PAM: variants seen among roughly 807,000 people sequenced by gnomAD.
PAM encodes peptidylglycine alpha-amidating monooxygenase.
Under a neutral mutation model 122.1 loss-of-function variants are expected in PAM, and 72 were observed. The observed-to-expected ratio is 0.59, with a 90% CI of 0.49 to 0.72. The LOEUF is 0.72. PAM is among the 30% of genes least tolerant of loss of function. The pLI, the probability that PAM is intolerant of heterozygous loss-of-function variation, is 0.00. For synonymous variants in PAM, 389 were observed against 404.4 expected, an observed-to-expected ratio of 0.96 and a Z score of 0.46; for missense variants, 1,106 against 1,183.7, an observed-to-expected ratio of 0.93 and a Z score of 0.96.
At position 102,815,772 on chromosome 5, in the gene PAM, A is replaced by T. The variant is rs541016037; in HGVS notation, c.-373-50051A>T. Among the ~76,000 whole-genome samples, 15 of 152,314 alleles carry T rather than the reference A, an allele frequency of 9.8e-5. No homozygotes were observed. In the East Asian group the frequency reaches 2.9e-3, roughly 29 times the overall value. ...GATTAGGTTGAACTGTTGTTGAAAG[A>T]CTGGTGGTGCAGAAACAATAAGTTG... is the stretch of plus-strand genomic sequence containing the variant. On this transcript the variant is annotated intron_variant, in intron 1 of 25. Coordinates refer to ENST00000438793, the MANE Select transcript of PAM (RefSeq NM_001177306.2).
chr5:102,944,205 C>T (rs775162833), intron 7 of PAM, among the ~76,000 whole-genome samples: 16 of 152,132 alleles, frequency 1.1e-4, no homozygotes, highest in Non-Finnish European at 1.8e-4. Context: ...TCATACCTAT[C>T]TAGTGAATGA....
At chr5:102,762,066 T>G (rs924794739) in intron 1 of PAM, among the ~76,000 whole-genome samples, 1 of 152,242 alleles carries the variant, frequency 6.6e-6, no homozygotes, top group African/African-American at 2.4e-5. Flanking sequence ...GTTACTTTGT[T>G]AAATGTCTTT....
intron 7 of PAM, among the ~76,000 whole-genome samples, chr5:102,942,784 TG>T (rs1458993938): frequency 1.3e-5 from 2 of 148,926 alleles, no homozygotes; most frequent in African/African-American, 5.0e-5. Context: ...TTGCCCAGGC[TG>T]GTCTCAAACT....
intron 24 of PAM, among the ~76,000 whole-genome samples, chr5:103,026,498 G>C (rs995031712): frequency 2.0e-5 from 3 of 152,118 alleles, no homozygotes; most frequent in African/African-American, 7.2e-5. Flanking sequence ...TAAAAATATA[G>C]TTAACTCTTC....
intron 1 of PAM, among the ~76,000 whole-genome samples, chr5:102,854,498 TA>T (rs922381570): frequency 9.2e-5 from 14 of 152,144 alleles, no homozygotes. Context: ...GAGAGAAAGC[TA>T]ATAAGATCAA....
chr5:103,029,251 T>G lies in PAM; in HGVS notation c.*186T>G. The G allele has an allele frequency of 2.3e-6, 1 of 437,374 alleles. No individual in the cohort carries two copies. The highest frequency in any genetic ancestry group is 6.4e-5 in the South Asian group (1 of 15,598). The allele number at this position is 437,374 out of a possible 1,614,324, so 27.1% of individuals were successfully genotyped here. The stretch of plus-strand genomic sequence containing the variant: ...TTCTAGTTGAGGAGTTTCCTAAAAG[T>G]TCATAACAGTGCCATTGTCTTTATA... On this transcript the variant is annotated 3_prime_UTR_variant, in exon 26 of 26. Transcript: ENST00000438793.
At chr5:102,921,289 G>A (rs763684288) in intron 5 of PAM, among the ~76,000 whole-genome samples, 4 of 152,046 alleles carry the variant, frequency 2.6e-5, no homozygotes, top group Non-Finnish European at 5.9e-5. Flanking sequence ...TTACTAGTAA[G>A]AATAGTAAAA....
At chr5:102,780,930 G>A (rs189886481) in intron 1 of PAM, among the ~76,000 whole-genome samples, 1 of 150,750 alleles carries the variant, frequency 6.6e-6, no homozygotes, top group Admixed American at 6.6e-5. Flanking sequence ...GTGCATTGGA[G>A]GCTGTTTAGC....
intron 16 of PAM, among the ~76,000 whole-genome samples, chr5:102,991,587 C>G (rs1052668903): frequency 6.6e-6 from 1 of 152,008 alleles, no homozygotes; most frequent in African/African-American, 2.4e-5. Context: ...TGTCTAATGT[C>G]TAATATTCTT....
intron 4 of PAM, among the ~76,000 whole-genome samples, chr5:102,904,643 G>C (rs866001327): frequency 4.5e-4 from 69 of 151,682 alleles, no homozygotes; most frequent in South Asian, 1.5e-3. Context: ...GTTTAAGGAA[G>C]TCACAGGCTA....
intron 1 of PAM, among the ~76,000 whole-genome samples, chr5:102,803,227 AAGGAAGGG>A (rs1765358528): frequency 7.6e-6 from 1 of 132,122 alleles, no homozygotes; most frequent in Non-Finnish European, 1.7e-5. Context: ...GGAAGGAAGG[AAGGAAGGG>A]AAAAGTAATG....
At chr5:102,913,092 T>A (rs1021196057) in intron 4 of PAM, among the ~76,000 whole-genome samples, 2 of 152,040 alleles carry the variant, frequency 1.3e-5, no homozygotes, top group Non-Finnish European at 2.9e-5. Flanking sequence ...AGATTTAAGA[T>A]CATTTTGGGG....
At chr5:102,778,018 G>A (rs1757648821) in intron 1 of PAM, among the ~76,000 whole-genome samples, 1 of 152,160 alleles carries the variant, frequency 6.6e-6, no homozygotes, top group Admixed American at 6.5e-5. Flanking sequence ...GAAAACACCT[G>A]AATGGCATTG....
intron 11 of PAM, among the ~76,000 whole-genome samples, chr5:102,950,412 G>GTGTGTGTGTGTGTGTGT (rs1554134131): frequency 1.1e-5 from 1 of 94,590 alleles, no homozygotes; most frequent in Admixed American, 9.4e-5. Context: ...TGTGTATGTG[G>GTGTGTGTGTGTGTGTGT]GTGGGTGTGT....
intron 1 of PAM, among the ~76,000 whole-genome samples, chr5:102,824,836 C>G (rs1328247735): frequency 6.6e-6 from 1 of 152,142 alleles, no homozygotes; most frequent in African/African-American, 2.4e-5. Flanking sequence ...AGGACTCACT[C>G]TAAATAAAAT....
chr5:102,816,570 G>A (rs541077517), intron 1 of PAM, among the ~76,000 whole-genome samples: 2 of 152,130 alleles, frequency 1.3e-5, no homozygotes, highest in African/African-American at 4.8e-5. Context: ...GGTCAAGAGA[G>A]TGGTCAGTGC....
At chr5:102,788,519 C>G (rs1761193918) in intron 1 of PAM, among the ~76,000 whole-genome samples, 1 of 152,088 alleles carries the variant, frequency 6.6e-6, no homozygotes, top group Non-Finnish European at 1.5e-5. Flanking sequence ...CTTTGTATCT[C>G]TAGATTATAT....
Position 102,918,298 on chromosome 5 carries a change from A to G in PAM, c.356+4277A>G, listed in dbSNP as rs142145273. Among the ~76,000 whole-genome samples, 17 of 152,258 alleles carry G rather than the reference A, an allele frequency of 1.1e-4. No homozygotes were observed. In the East Asian group the frequency reaches 3.1e-3, roughly 28 times the overall value. ...CACCAAGATTAGAGCAAGCATATCA[A>G]TGGCATGATTTGTTGCACTCTATTT... On this transcript the variant is annotated intron_variant, in intron 5 of 25. Coordinates refer to ENST00000438793, the MANE Select transcript of PAM (RefSeq NM_001177306.2).
chr5:102,841,000 G>A (rs1187543491), intron 1 of PAM, among the ~76,000 whole-genome samples: 1 of 151,576 alleles, frequency 6.6e-6, no homozygotes, highest in East Asian at 1.9e-4. Context: ...TGATTTAATT[G>A]TTGGAAGATT....
Sources: allele counts gnomAD v4.1 joint callset (sites outside exome capture counted in the v4.1 genomes callset), GRCh38; gene constraint gnomAD v4.1.1; transcripts MANE v1.5; gene names NCBI Gene and HGNC (gene_info 2026-07-23, HGNC 2026-07-21).